Variants in RNF212 observed in about 807,000 individuals in gnomAD.
The protein encoded by RNF212 is probable E3 SUMO-protein ligase RNF212.
RNF212 carries 33 observed loss-of-function variants against 34.7 expected under a neutral mutation model. The ratio of observed to expected loss-of-function variants is 0.95; its 90% CI spans 0.72 to 1.27. The LOEUF is 1.27. Ranked by LOEUF, RNF212 falls within the 50% of genes most tolerant of loss-of-function variation. RNF212 has a pLI of 0.00. For synonymous variants in RNF212, 140 were observed against 136.1 expected (o/e 1.03, Z -0.20); for missense variants, 377 against 362.2 (o/e 1.04, Z -0.33).
In RNF212 at chr4:1,113,415, G is replaced by A; in HGVS notation, c.50C>T (p.Thr17Met). ...CNRCFQPPHR[T>M]SCFSLTNCGH... Reference sequence around the variant, plus strand: ...GCAGTTGGTGAGGCTGAAGCACGACGTCCTGTGGGGCGGCTGGAAGCAGCG... The same window carrying A: ...GCAGTTGGTGAGGCTGAAGCACGACATCCTGTGGGGCGGCTGGAAGCAGCG... Residue 17 changes from threonine (T) to methionine (M), a missense_variant, in exon 1 of 10, where the codon ACG becomes ATG. Physicochemically the swap from Thr to Met is moderately conservative, Grantham distance 81. Coordinates refer to ENST00000433731, the MANE Select transcript of RNF212 (RefSeq NM_001131034.4). The A allele has an allele frequency of 6.2e-7, 1 of 1,606,448 alleles. No homozygotes were observed. Among genetic ancestry groups the A allele is most frequent in the South Asian group, 1.1e-5 (1 of 90,066 alleles).
chr4:1,113,408 G>A lies in RNF212; in HGVS notation c.57C>T (p.Cys19=), dbSNP rs966149487. The change falls in exon 1 of 10, where the codon TGC becomes TGT. Residue 19 remains cysteine, a synonymous_variant. Transcript: ENST00000433731. The part of the protein sequence containing the change: ...RCFQPPHRTS[C]FSLTNCGHVY... ...CGTGCCCGCAGTTGGTGAGGCTGAA[G>A]CACGACGTCCTGTGGGGCGGCTGGA... 2 of 1,606,060 alleles carry A rather than the reference G, an allele frequency of 1.2e-6. No individual in the cohort carries two copies. The highest frequency in any genetic ancestry group is 1.7e-6 in the Non-Finnish European group (2 of 1,177,412).
intron 8 of RNF212, among the ~76,000 whole-genome samples, chr4:1,078,203 C>A (rs1719652928): frequency 2.0e-5 from 3 of 152,208 alleles, no homozygotes; most frequent in Non-Finnish European, 4.4e-5. Context: ...TCAAATAAGC[C>A]AATAACTGGC....
chr4:1,095,687 C>A (rs57526991), intron 3 of RNF212, among the ~76,000 whole-genome samples: 1,530 of 14,858 alleles, frequency 0.1, 42 homozygotes, highest in African/African-American at 0.27. Context: ...ACCAAGCACA[C>A]CTCCCACAGC....
chr4:1,070,249 T>C (rs1577631944), downstream of RNF212, among the ~76,000 whole-genome samples: 5 of 133,116 alleles, frequency 3.8e-5, no homozygotes, highest in South Asian at 2.6e-4. Flanking sequence ...TGGGTGGTTT[T>C]GTAGGACTGT....
Position 1,079,666 on chromosome 4 carries a change from G to C in RNF212, c.487C>G (p.Leu163Val). The C allele has an allele frequency of 6.2e-7, 1 of 1,611,448 alleles. No homozygotes were observed. Among genetic ancestry groups the C allele is most frequent in the Non-Finnish European group, 8.5e-7 (1 of 1,177,614 alleles). ...PDRLESMEVD[L>V]SPSPIRKSEI... ...ACTTTTCTAATCGGAGAAGGAGAGA[G>C]ATCAACTTCCATCGACTCCAGTCTG... The change falls in exon 8 of 10, where the codon CTC becomes GTC. Residue 163 changes from leucine to valine, a missense_variant. Transcript: ENST00000433731.
chr4:1,108,468 C>A, intron 1 of RNF212, 64 bp from the exon 2 acceptor site: 1 of 780,510 alleles, frequency 1.3e-6, no homozygotes. Context: ...TGTATACATG[C>A]AGACTTTACA....
intron 2 of RNF212, among the ~76,000 whole-genome samples, chr4:1,102,589 AAAAAC>A (rs1197415652): frequency 2.1e-5 from 1 of 46,794 alleles, no homozygotes; most frequent in African/African-American, 3.8e-5. Context: ...AAAAACACAA[AAAAAC>A]AAAAAAAAAA....
In RNF212 at chr4:1,073,084, G is replaced by C. The variant is rs147818050; in HGVS notation, c.684C>G (p.Asp228Glu). The C allele has an allele frequency of 6.2e-7, 1 of 1,614,190 alleles. No homozygotes were observed. Among genetic ancestry groups the C allele is most frequent in the South Asian group, 1.1e-5 (1 of 91,084 alleles). ...GGAGGAGCAGCCAGTGAGGACAGAC[G>C]TCTATGCAGAAACATGGTGAACCTC... ...ISRGSPCFCI[D>E]VCPHWLLLLA... The change falls in exon 10 of 10, where the codon GAC (aspartate) becomes GAG (glutamate). Residue 228 changes from aspartate to glutamate, a missense_variant. Asp to Glu is a conservative substitution (Grantham distance 45, BLOSUM62 2). Coordinates refer to ENST00000433731, the MANE Select transcript of RNF212 (RefSeq NM_001131034.4).
chr4:1,072,806 T>G lies in RNF212; in HGVS notation c.*68A>C. On this transcript the variant is annotated 3_prime_UTR_variant, in exon 10 of 10. Transcript: ENST00000433731. ...AATGACAAAGGAATAAAGCAGATAA[T>G]TTGTAGAAAAAACACAGAGGAATAA... is the stretch of plus-strand genomic sequence containing the variant. 6.7e-7 allele frequency: 1 copy of G among 1,492,980 alleles called. No homozygotes were observed. The highest frequency in any genetic ancestry group is 8.9e-7 in the Non-Finnish European group (1 of 1,117,746). The allele number at this position is 1,492,980 out of a possible 1,614,324, so 92.5% of individuals were successfully genotyped here. A position where few individuals can be genotyped will look rare whatever the true frequency, so the allele number is the denominator to read the frequency against.
intron 3 of RNF212, among the ~76,000 whole-genome samples, chr4:1,092,650 G>A (rs1577743362): frequency 6.6e-6 from 1 of 152,246 alleles, no homozygotes; most frequent in East Asian, 1.9e-4. Flanking sequence ...CTCTTGAACT[G>A]AGCCAGAGAA....
At chr4:1,090,326 G>A (rs2153051331) in intron 4 of RNF212, among the ~76,000 whole-genome samples, 1 of 152,236 alleles carries the variant, frequency 6.6e-6, no homozygotes, top group South Asian at 2.1e-4. Flanking sequence ...GAGGCAGCAG[G>A]GTCACAAGCT....
intron 3 of RNF212, chr4:1,058,429 T>C (rs1717504459): frequency 1.1e-6 from 1 of 875,188 alleles, no homozygotes; most frequent in Non-Finnish European, 1.4e-6. Flanking sequence ...GAGTCGTTCA[T>C]GTTAACACAT....
chr4:1,099,155 C>A (rs866177978), intron 2 of RNF212, among the ~76,000 whole-genome samples: 1 of 152,212 alleles, frequency 6.6e-6, no homozygotes. Context: ...CCCCGGCACT[C>A]ACATTGCAGA....
chr4:1,113,708 G>C (rs1312922604), upstream of RNF212: 1 of 407,206 alleles, frequency 2.5e-6, no homozygotes, highest in South Asian at 4.0e-5. Context: ...GCGGAGGAAC[G>C]CACCGCGAGC....
intron 7 of RNF212, 115 bp downstream of exon 7, chr4:1,081,304 T>G: frequency 1.2e-6 from 1 of 851,436 alleles, no homozygotes; most frequent in Non-Finnish European, 2.0e-6. Flanking sequence ...TCCAGTCAAC[T>G]GTATGGATTA....
chr4:1,071,166 T>C (rs1246884535), downstream of RNF212, among the ~76,000 whole-genome samples: 1 of 152,002 alleles, frequency 6.6e-6, no homozygotes, highest in Non-Finnish European at 1.5e-5. Flanking sequence ...TTGAAGTATT[T>C]TCAAAATAAA....
intron 2 of RNF212, among the ~76,000 whole-genome samples, chr4:1,097,708 A>T (rs901556093): frequency 4.6e-5 from 7 of 152,148 alleles, no homozygotes; most frequent in African/African-American, 1.7e-4. Context: ...CCCAGCCAGG[A>T]CCACATTAGC....
chr4:1,070,040 G>A (rs1360515889), downstream of RNF212, among the ~76,000 whole-genome samples: 2 of 150,474 alleles, frequency 1.3e-5, no homozygotes, highest in Non-Finnish European at 1.5e-5. Context: ...AGGTGGTTTC[G>A]TAGGACTATG....
At chr4:1,068,650 A>G (rs1277233083), downstream of RNF212, among the ~76,000 whole-genome samples, 1 of 152,220 alleles carries the variant, frequency 6.6e-6, no homozygotes, top group African/African-American at 2.4e-5. Flanking sequence ...CATATTCACC[A>G]TTCCCCATGC....
Sources: gnomAD v4.1 joint callset for allele counts (sites outside exome capture counted in the v4.1 genomes callset) on GRCh38, gnomAD v4.1.1 for gene constraint, MANE v1.5 for transcripts, NCBI Gene and HGNC (gene_info 2026-07-23, HGNC 2026-07-21) for gene names.